The following GLB1 variants were observed in gnomAD, a reference collection of about 807,000 sequenced individuals.
GLB1 encodes the protein beta-galactosidase.
GLB1 carries 56 observed loss-of-function variants against 74.0 expected under a neutral mutation model. The ratio of observed to expected loss-of-function variants is 0.76; its 90% CI spans 0.61 to 0.94. The LOEUF (loss-of-function observed/expected upper bound fraction) is 0.94. Among genes scored for constraint, GLB1 ranks in the 40% least tolerant of loss-of-function variants. GLB1 has a pLI of 0.00. For synonymous variants in GLB1, 323 were observed against 323.6 expected, an observed-to-expected ratio of 1.00 and a Z score of 0.02; for missense variants, 787 against 845.5, an observed-to-expected ratio of 0.93 and a Z score of 0.86.
At chr3:33,035,568 G>T (rs1047409543) in intron 10 of GLB1, among the ~76,000 whole-genome samples, 19 of 152,080 alleles carry the variant, frequency 1.2e-4, no homozygotes, top group Admixed American at 1.2e-3. Flanking sequence ...CTTTGAGATG[G>T]GGTTAGTGCC....
At chr3:33,053,085 A>G (rs1435085056) in intron 7 of GLB1, among the ~76,000 whole-genome samples, 1 of 152,112 alleles carries the variant, frequency 6.6e-6, no homozygotes, top group African/African-American at 2.4e-5. Flanking sequence ...GATTGTTGAC[A>G]CCCACCTGCA....
At chr3:33,086,359 A>G (rs1212077776) in intron 1 of GLB1, among the ~76,000 whole-genome samples, 2 of 152,190 alleles carry the variant, frequency 1.3e-5, no homozygotes, top group East Asian at 3.8e-4. Context: ...GAGTAACCAC[A>G]TAATTAATGA....
At chr3:33,045,886 A>T in intron 10 of GLB1, 1 of 825,988 alleles carries the variant, frequency 1.2e-6, no homozygotes, top group Non-Finnish European at 1.7e-6. Flanking sequence ...TGTATTATAT[A>T]TTGCAGTTTT....
In GLB1 at chr3:33,077,094, C is replaced by G. The variant is rs888409624; in HGVS notation, c.76-4381G>C. ...AAATTAAAATTAGTGTCTCCCTCAC[C>G]CACTGCTGCCGCCTCCTTCTTCTCC... On this transcript the variant is annotated intron_variant, in intron 1 of 15. Transcript: ENST00000307363. 5 of 1,398,468 alleles carry G rather than the reference C, an allele frequency of 3.6e-6. No individual in the cohort carries two copies. In the African/African-American group the frequency reaches 7.2e-5, roughly 20 times the overall value. 86.6% of individuals were successfully genotyped at this position (1,398,468 alleles called of 1,614,324 possible).
chr3:33,065,899 C>T lies in GLB1; in HGVS notation c.458-342G>A, dbSNP rs371314638. Reference sequence around the variant, plus strand: ...GGAGAATTGCTTGAACCCGGGGGGGCGGAGGTTGCGGTGAGCCAAGATCGC... The same window carrying T: ...GGAGAATTGCTTGAACCCGGGGGGGTGGAGGTTGCGGTGAGCCAAGATCGC... On this transcript the variant is annotated intron_variant, in intron 4 of 15. Coordinates refer to ENST00000307363, the MANE Select transcript of GLB1 (RefSeq NM_000404.4). 9.8e-3 allele frequency among the ~76,000 whole-genome samples: 1,407 copies of T among 143,490 alleles called. 32 individuals are homozygous for T. The highest frequency in any genetic ancestry group is 0.034 in the African/African-American group (1,332 of 38,844). 94.1% of individuals were successfully genotyped at this position (143,490 alleles called of 152,430 possible).
At chr3:32,980,418 A>G in the GLB1 span, among the ~76,000 whole-genome samples, 3 of 152,250 alleles carry the variant, frequency 2.0e-5, no homozygotes, top group African/African-American at 7.2e-5. Flanking sequence ...AACACATTTA[A>G]GGCTATAACT....
At chr3:33,084,115 C>T (rs1700421410) in intron 1 of GLB1, among the ~76,000 whole-genome samples, 1 of 152,152 alleles carries the variant, frequency 6.6e-6, no homozygotes, top group Non-Finnish European at 1.5e-5. Flanking sequence ...CTACAACTCA[C>T]CCCAGAGACT....
At chr3:33,034,240 T>A (rs1698178481) in intron 10 of GLB1, 1 of 668,514 alleles carries the variant, frequency 1.5e-6, no homozygotes, top group African/African-American at 1.8e-5. Flanking sequence ...GGAGCTCAGA[T>A]GGGGCCATCT....
intron 10 of GLB1, among the ~76,000 whole-genome samples, chr3:33,043,417 A>C (rs1698584428): frequency 6.6e-6 from 1 of 152,180 alleles, no homozygotes; most frequent in African/African-American, 2.4e-5. Context: ...TATAGATGTC[A>C]CACTTAAATG....
At chr3:33,079,848 C>T (rs1001872026) in intron 1 of GLB1, among the ~76,000 whole-genome samples, 10 of 152,198 alleles carry the variant, frequency 6.6e-5, no homozygotes, top group African/African-American at 2.4e-4. Context: ...GCAGCATGAT[C>T]ATGGCTCACT....
intron 1 of GLB1, among the ~76,000 whole-genome samples, chr3:33,086,002 C>G (rs1284841227): frequency 6.6e-6 from 1 of 151,678 alleles, no homozygotes; most frequent in Non-Finnish European, 1.5e-5. Flanking sequence ...CGCTTAAGCC[C>G]AGGAAATTGA....
At chr3:33,016,679 C>A in intron 14 of GLB1, 30 bp downstream of exon 14, 1 of 1,612,480 alleles carries the variant, frequency 6.2e-7, no homozygotes, top group South Asian at 1.1e-5. Context: ...ACCCCTTAAA[C>A]CTTAGTCTTG....
intron 10 of GLB1, among the ~76,000 whole-genome samples, chr3:33,026,550 G>A (rs1697767739): frequency 6.6e-6 from 1 of 152,140 alleles, no homozygotes; most frequent in Non-Finnish European, 1.5e-5. Context: ...GGGAGGGCCC[G>A]AAGCCTGGGG....
At chr3:33,038,362 T>C (rs9865921) in intron 10 of GLB1, among the ~76,000 whole-genome samples, 1 of 152,164 alleles carries the variant, frequency 6.6e-6, no homozygotes. Context: ...CACCTTTGTG[T>C]ATAGCAAATT....
intron 1 of GLB1, among the ~76,000 whole-genome samples, chr3:33,076,377 C>A (rs1559413910): frequency 6.6e-6 from 1 of 152,168 alleles, no homozygotes; most frequent in Non-Finnish European, 1.5e-5. Flanking sequence ...GCCCTGAAGT[C>A]CAGATTCAAG....
chr3:33,055,467 T>C (rs1382395238), intron 6 of GLB1, among the ~76,000 whole-genome samples: 1 of 149,566 alleles, frequency 6.7e-6, no homozygotes, highest in Non-Finnish European at 1.5e-5. Flanking sequence ...TTTCTTTTTT[T>C]TTTTTTTTTT....
At chr3:33,064,758 C>T (rs893868187) in intron 5 of GLB1, among the ~76,000 whole-genome samples, 3 of 103,698 alleles carry the variant, frequency 2.9e-5, no homozygotes, top group East Asian at 3.1e-4. Flanking sequence ...GCCTGGGCAA[C>T]GGAATGAGAC....
intron 4 of GLB1, among the ~76,000 whole-genome samples, chr3:33,067,478 G>A (rs1372128811): frequency 8.0e-6 from 1 of 125,322 alleles, no homozygotes; most frequent in Non-Finnish European, 1.7e-5. Context: ...ATAGGGTCTC[G>A]CTATGTTACC....
intron 1 of GLB1, chr3:33,092,617 G>A (rs1156957923): frequency 1.5e-6 from 2 of 1,361,090 alleles, no homozygotes; most frequent in African/African-American, 1.4e-5. Context: ...TCTCACAAGT[G>A]CATCAAAAAA....
Sources: gnomAD v4.1 joint callset for allele counts (sites outside exome capture counted in the v4.1 genomes callset) on GRCh38, gnomAD v4.1.1 for gene constraint, MANE v1.5 for transcripts, NCBI Gene and HGNC (gene_info 2026-07-23, HGNC 2026-07-21) for gene names.